Variants in MACF1 observed in about 807,000 individuals in gnomAD.
MACF1 encodes microtubule-actin cross-linking factor 1.
Under a neutral mutation model 854.8 loss-of-function variants are expected in MACF1, and 193 were observed. The observed-to-expected ratio is 0.23, with a 90% CI of 0.20 to 0.25. The LOEUF is 0.25. Ranked by LOEUF, MACF1 falls within the 10% of genes least tolerant of loss-of-function variation. The probability of loss-of-function intolerance (pLI) is 1.00; values close to 1 mark genes in which losing one functional copy is unlikely to be tolerated. For missense variants in MACF1, 7,722 were observed against 8,929.1 expected, an observed-to-expected ratio of 0.86 and a Z score of 5.45; for synonymous variants, 3,185 against 3,226.7, an observed-to-expected ratio of 0.99 and a Z score of 0.44.
At chr1:39,157,966 A>C (rs1040941940) in intron 2 of MACF1, among the ~76,000 whole-genome samples, 19 of 152,096 alleles carry the variant, frequency 1.2e-4, no homozygotes, top group African/African-American at 4.6e-4. Context: ...AGTTGCAATT[A>C]TTTTCACAAG....
At chr1:39,087,675 A>G (rs1041551706) in intron 2 of MACF1, among the ~76,000 whole-genome samples, 5 of 152,238 alleles carry the variant, frequency 3.3e-5, no homozygotes, top group Non-Finnish European at 7.3e-5. Flanking sequence ...TCTGTTAGGC[A>G]GGACATATGT....
chr1:39,274,156 T>C (rs927929329), intron 6 of MACF1, among the ~76,000 whole-genome samples: 1 of 152,102 alleles, frequency 6.6e-6, no homozygotes, highest in African/African-American at 2.4e-5. Flanking sequence ...TATACTATTC[T>C]GTCTCCTTTT....
intron 2 of MACF1, among the ~76,000 whole-genome samples, chr1:39,106,063 A>G (rs1411261090): frequency 6.6e-6 from 1 of 151,600 alleles, no homozygotes; most frequent in East Asian, 2.0e-4. Context: ...CGCGGGAGAA[A>G]CCACCCGCTC....
At chr1:39,473,464 G>A (rs1171043044) in intron 97 of MACF1, among the ~76,000 whole-genome samples, 2 of 152,098 alleles carry the variant, frequency 1.3e-5, no homozygotes, top group Admixed American at 6.6e-5. Flanking sequence ...GTAGGTGTTG[G>A]CAGTCACAAA....
chr1:39,334,282 T>A lies in MACF1; in HGVS notation c.7694T>A (p.Leu2565His). 1 of 1,613,910 alleles carries A rather than the reference T, an allele frequency of 6.2e-7. No homozygotes were observed. Among genetic ancestry groups the A allele is most frequent in the South Asian group, 1.1e-5 (1 of 91,056 alleles). ...CTCCCTAAAGCCATAAAATTAGATC[T>A]TATTACCTCAGACCTGAAAAGAGAA... ...ISLPKAIKLD[L>H]ITSDLKREIQ... The change falls in exon 37 of 101, where the codon CTT becomes CAT. Residue 2565 changes from leucine to histidine, a missense_variant. Coordinates refer to ENST00000564288, the MANE Select transcript of MACF1 (RefSeq NM_001394062.1).
chr1:39,171,203 T>TTGTGTGTGTGTGTGTG (rs147517281), intron 2 of MACF1, among the ~76,000 whole-genome samples: 3 of 146,236 alleles, frequency 2.1e-5, no homozygotes, highest in African/African-American at 2.5e-5. Flanking sequence ...ATCTTTCTGT[T>TTGTGTGTGTGTGTGTG]TGTGTGTGTG....
At chr1:39,410,993 G>T in intron 58 of MACF1, 1 of 1,614,050 alleles carries the variant, frequency 6.2e-7, no homozygotes, top group Non-Finnish European at 8.5e-7. Context: ...GTAGCAACAA[G>T]TGGTAACACA....
chr1:39,234,748 A>T (rs1407651082), intron 2 of MACF1, among the ~76,000 whole-genome samples: 6 of 127,558 alleles, frequency 4.7e-5, no homozygotes, highest in Non-Finnish European at 1.0e-4. Flanking sequence ...CACTTCTCAG[A>T]CGGGGCGGTT....
At position 39,427,531 on chromosome 1, in the gene MACF1, T is replaced by A; in HGVS notation, c.16393T>A (p.Ser5465Thr). ...AGCTGAGCCTATTTCTGACTTCTTA[T>A]CTGTCACAGAGAAAAAGCTTGCTAA... ...ETAEPISDFLSVTEKKLANSE... is the reference protein window; with the variant it reads ...ETAEPISDFLTVTEKKLANSE... The change falls in exon 62 of 101, where the codon TCT becomes ACT. Residue 5465 changes from serine (S) to threonine (T), a missense_variant. Around this residue, in one of 15 missense-constraint regions of MACF1, gnomAD observed 2,807 missense variants for 3,235.8 expected, o/e 0.87. Transcript: ENST00000564288. 1 of 1,614,162 alleles carries A rather than the reference T, an allele frequency of 6.2e-7. No individual in the cohort carries two copies. The highest frequency in any genetic ancestry group is 2.2e-5 in the East Asian group (1 of 44,878).
At chr1:39,260,818 T>C (rs1645155226) in intron 6 of MACF1, among the ~76,000 whole-genome samples, 2 of 152,184 alleles carry the variant, frequency 1.3e-5, no homozygotes, top group African/African-American at 4.8e-5. Flanking sequence ...GTTTAACCTC[T>C]TTGACTTTAT....
chr1:39,186,202 CTCTCTCTCTCTCTGTG>C (rs1459625105), intron 2 of MACF1, among the ~76,000 whole-genome samples: 2 of 124,430 alleles, frequency 1.6e-5, no homozygotes, highest in Admixed American at 8.0e-5. Flanking sequence ...CTCTCTCTCT[CTCTCTCTCTCTCTGTG>C]TGTGTGTGTG....
chr1:39,241,101 CA>C (rs1476964856), intron 2 of MACF1, among the ~76,000 whole-genome samples: 1 of 150,486 alleles, frequency 6.6e-6, no homozygotes, highest in Non-Finnish European at 1.5e-5. Context: ...CAAATTTGGC[CA>C]ATGAATCAAT....
chr1:39,142,516 T>C (rs1345076475), intron 2 of MACF1, among the ~76,000 whole-genome samples: 15 of 152,202 alleles, frequency 9.9e-5, no homozygotes, highest in Admixed American at 9.8e-4. Context: ...TGTTTATTTT[T>C]GGGTGCCCTG....
intron 17 of MACF1, 54 bp from the exon 18 acceptor site, chr1:39,293,404 C>G: frequency 6.7e-7 from 1 of 1,482,740 alleles, no homozygotes; most frequent in Non-Finnish European, 9.2e-7. Flanking sequence ...AATGTGCTAT[C>G]TTCTACAGAT....
chr1:39,379,641 A>G (rs1422747155), intron 54 of MACF1, among the ~76,000 whole-genome samples, 197 bp downstream of exon 54: 2 of 152,252 alleles, frequency 1.3e-5, no homozygotes, highest in Non-Finnish European at 2.9e-5. Flanking sequence ...AGAAATTGTT[A>G]TAAGTTAGAT....
intron 2 of MACF1, among the ~76,000 whole-genome samples, chr1:39,243,669 C>A (rs1012915996): frequency 3.9e-5 from 6 of 152,198 alleles, no homozygotes; most frequent in African/African-American, 1.4e-4. Context: ...TCCCAAAGTG[C>A]TGCAATAACA....
At chr1:39,126,588 C>T (rs1158281708) in intron 2 of MACF1, among the ~76,000 whole-genome samples, 2 of 151,724 alleles carry the variant, frequency 1.3e-5, no homozygotes, top group Non-Finnish European at 2.9e-5. Flanking sequence ...AGTTCGAGAC[C>T]AGCCTGGCCA....
Position 39,332,672 on chromosome 1 carries a change from A to T in MACF1, c.6084A>T (p.Ser2028=). 6.2e-7 allele frequency: 1 copy of T among 1,614,130 alleles called. No individual in the cohort carries two copies. The highest frequency in any genetic ancestry group is 1.1e-5 in the South Asian group (1 of 91,076). The part of the protein sequence containing the change: ...GLQESANVKI[S]GTFSSGWTVR... ...AAGAATCAGCTAATGTGAAAATCTC[A>T]GGAACTTTCAGCAGTGGGTGGACTG... Residue 2028 remains serine (S), a synonymous_variant, in exon 37 of 101, where the codon TCA becomes TCT. Coordinates refer to ENST00000564288, the MANE Select transcript of MACF1 (RefSeq NM_001394062.1).
chr1:39,190,649 T>C (rs1386901978), intron 2 of MACF1, among the ~76,000 whole-genome samples: 1 of 151,994 alleles, frequency 6.6e-6, no homozygotes, highest in Non-Finnish European at 1.5e-5. Context: ...GTCTCTCTTT[T>C]TCTCTTTCTC....
Sources: allele counts gnomAD v4.1 joint callset (sites outside exome capture counted in the v4.1 genomes callset), GRCh38; gene constraint gnomAD v4.1.1; regional missense constraint gnomAD v4.1.1; transcripts MANE v1.5; gene names NCBI Gene and HGNC (gene_info 2026-07-23, HGNC 2026-07-21).